PTPRD: variants seen among roughly 807,000 people sequenced by gnomAD.
PTPRD encodes the protein receptor-type tyrosine-protein phosphatase delta.
Under a neutral mutation model 214.5 loss-of-function variants are expected in PTPRD, and 34 were observed. The ratio of observed to expected loss-of-function variants is 0.16; its 90% CI spans 0.12 to 0.21. PTPRD has a LOEUF of 0.21. Among genes scored for constraint, PTPRD ranks in the 10% least tolerant of loss-of-function variants. The probability of loss-of-function intolerance (pLI) is 1.00; values close to 1 mark genes in which losing one functional copy is unlikely to be tolerated. For synonymous variants in PTPRD, 1,128 were observed against 845.7 expected, an observed-to-expected ratio of 1.33 and a Z score of -5.79; for missense variants, 2,545 against 2,398.7, an observed-to-expected ratio of 1.06 and a Z score of -1.27.
intron 5 of PTPRD, among the ~76,000 whole-genome samples, chr9:9,823,507 T>C (rs1166983483): frequency 6.6e-6 from 1 of 151,966 alleles, no homozygotes; most frequent in Non-Finnish European, 1.5e-5. Context: ...TAGGGACAAA[T>C]ATCCAAACTA....
rs183989920 is a variant in PTPRD, at chr9:8,879,224, C to T, written c.-104+139473G>A. ...ATCTGTTAGCTGAGAGATGGGTGAT[C>T]GAGACACTGATGGGAAATCTCCTTC... On this transcript the variant is annotated intron_variant, in intron 11 of 45. Transcript: ENST00000381196. 7.6e-4 allele frequency among the ~76,000 whole-genome samples: 116 copies of T among 152,188 alleles called. 2 individuals are homozygous for T. In the South Asian group the frequency reaches 0.022, roughly 29 times the overall value.
At chr9:8,653,318 A>C (rs937001801) in intron 12 of PTPRD, among the ~76,000 whole-genome samples, 1 of 152,180 alleles carries the variant, frequency 6.6e-6, no homozygotes, top group Admixed American at 6.5e-5. Flanking sequence ...GGAAAGACAA[A>C]AACAGTGTTT....
intron 8 of PTPRD, among the ~76,000 whole-genome samples, chr9:9,470,045 A>G (rs1224062855): frequency 6.6e-6 from 1 of 152,168 alleles, no homozygotes; most frequent in Admixed American, 6.5e-5. Flanking sequence ...GGTAGAGAAT[A>G]AAGAGGAGGC....
At chr9:8,557,700 G>A (rs1390656810) in intron 14 of PTPRD, among the ~76,000 whole-genome samples, 10 of 137,728 alleles carry the variant, frequency 7.3e-5, no homozygotes, top group East Asian at 2.2e-4. Context: ...CCGAGATCAC[G>A]CTACTGCATT....
At chr9:10,000,108 T>A (rs548061883) in intron 4 of PTPRD, among the ~76,000 whole-genome samples, 1 of 152,300 alleles carries the variant, frequency 6.6e-6, no homozygotes, top group Non-Finnish European at 1.5e-5. Flanking sequence ...AAAAATTGCC[T>A]AAGCCTAAAG....
At position 8,499,757 on chromosome 9, in the gene PTPRD, T is replaced by A; in HGVS notation, c.2212A>T (p.Asn738Tyr). 1 of 1,614,154 alleles carries A rather than the reference T, an allele frequency of 6.2e-7. No homozygotes were observed. The highest frequency in any genetic ancestry group is 1.3e-5 in the African/African-American group (1 of 75,046). The change falls in exon 25 of 46, where the codon AAT becomes TAT. Residue 738 changes from asparagine (N) to tyrosine (Y), a missense_variant. By Grantham distance (143) the Asn-to-Tyr change is moderately radical (BLOSUM62 -2). Transcript: ENST00000381196. ...VKVSWRSPVP[N>Y]KQHGQIRGYQ... ...CCTCTTATCTGGCCATGCTGTTTATTGGGCACGGGTGAGCGCCATGAGACT... is the reference window on the plus strand; with the variant it reads ...CCTCTTATCTGGCCATGCTGTTTATAGGGCACGGGTGAGCGCCATGAGACT...
chr9:8,432,693 C>A (rs1306838259), intron 35 of PTPRD, among the ~76,000 whole-genome samples: 4 of 152,190 alleles, frequency 2.6e-5, no homozygotes, highest in Admixed American at 2.0e-4. Context: ...TTTTTCCCCA[C>A]AAAATGTTGC....
At chr9:10,216,223 C>G (rs188922052) in intron 3 of PTPRD, among the ~76,000 whole-genome samples, 15 of 151,624 alleles carry the variant, frequency 9.9e-5, no homozygotes, top group Admixed American at 7.9e-4. Context: ...TTTGGCACCC[C>G]CTTAAGGTTT....
intron 3 of PTPRD, among the ~76,000 whole-genome samples, chr9:10,245,923 A>C (rs1007111853): frequency 3.9e-5 from 6 of 152,222 alleles, no homozygotes; most frequent in African/African-American, 1.4e-4. Context: ...ATTTTGACAC[A>C]TACTATAAGC....
rs1384063536 is a variant in PTPRD at position 8,504,380 on chromosome 9, G to A, written c.1703C>T (p.Thr568Ile). The part of the protein sequence containing the change: ...EEQRITIEPG[T>I]SYRLQGLKPN... ...TTTCAGTCCTTGCAGCCTATATGAT[G>A]TCCCTGGCTCAATGGTAATTCGTTG... Residue 568 changes from threonine to isoleucine, a missense_variant, in exon 23 of 46, where the codon ACA becomes ATA. Coordinates refer to ENST00000381196, the MANE Select transcript of PTPRD (RefSeq NM_002839.4). 6 of 1,613,974 alleles carry A rather than the reference G, an allele frequency of 3.7e-6. No individual in the cohort carries two copies. The Admixed American group carries it at 8.3e-5, about 22-fold the overall frequency.
At chr9:8,869,084 G>C (rs113488696) in intron 11 of PTPRD, among the ~76,000 whole-genome samples, 12 of 152,180 alleles carry the variant, frequency 7.9e-5, no homozygotes, top group African/African-American at 2.4e-4. Context: ...AACAAAAAAA[G>C]AAAGAATTGG....
chr9:9,252,372 C>G (rs887939207), intron 9 of PTPRD, among the ~76,000 whole-genome samples: 1 of 152,038 alleles, frequency 6.6e-6, no homozygotes, highest in African/African-American at 2.4e-5. Flanking sequence ...ATTTGCATAA[C>G]ACACCTTACC....
intron 14 of PTPRD, among the ~76,000 whole-genome samples, chr9:8,584,104 T>G (rs935363301): frequency 2.0e-5 from 3 of 152,282 alleles, no homozygotes; most frequent in Admixed American, 2.0e-4. Context: ...TAGTGAGCCA[T>G]GATTGTGCCA....
chr9:8,647,295 T>C (rs559865548), intron 12 of PTPRD, among the ~76,000 whole-genome samples: 18 of 152,256 alleles, frequency 1.2e-4, no homozygotes, highest in Non-Finnish European at 2.5e-4. Flanking sequence ...TACGTATTTA[T>C]TATAAATTAG....
chr9:10,328,539 C>A (rs531190891), intron 3 of PTPRD, among the ~76,000 whole-genome samples: 2 of 151,904 alleles, frequency 1.3e-5, no homozygotes, highest in South Asian at 4.1e-4. Flanking sequence ...CATGGAGAAA[C>A]AAAGTCACTT....
chr9:9,641,542 C>G (rs2095954131), intron 7 of PTPRD, among the ~76,000 whole-genome samples: 1 of 152,080 alleles, frequency 6.6e-6, no homozygotes, highest in African/African-American at 2.4e-5. Context: ...TGACACAGAC[C>G]TCCATAACAA....
intron 7 of PTPRD, among the ~76,000 whole-genome samples, chr9:9,635,164 C>T (rs115156798): frequency 0.014 from 2,125 of 152,216 alleles, 48 homozygotes; most frequent in African/African-American, 0.048. Flanking sequence ...GCCTATAAAG[C>T]TTCTTTTTCT....
intron 21 of PTPRD, among the ~76,000 whole-genome samples, chr9:8,515,691 C>G (rs567430190): frequency 6.6e-6 from 1 of 152,122 alleles, no homozygotes; most frequent in African/African-American, 2.4e-5. Flanking sequence ...AGATTGCCAG[C>G]AAACCAACCA....
In PTPRD at chr9:9,658,820, T is replaced by C. The variant is rs551925626; in HGVS notation, c.-287+75713A>G. On this transcript the variant is annotated intron_variant, in intron 7 of 45. Transcript: ENST00000381196. Reference sequence around the variant, plus strand: ...GCTTTATAAGCATTATCTTATTTAATTGTCACAACAATTCTTGGTGCTTGT... The same window carrying C: ...GCTTTATAAGCATTATCTTATTTAACTGTCACAACAATTCTTGGTGCTTGT... Among the ~76,000 whole-genome samples, 21 of 152,266 alleles carry C rather than the reference T, an allele frequency of 1.4e-4. No homozygotes were observed. In the South Asian group the frequency reaches 4.1e-3, roughly 30 times the overall value.
Sources: allele counts gnomAD v4.1 joint callset (sites outside exome capture counted in the v4.1 genomes callset), GRCh38; gene constraint gnomAD v4.1.1; transcripts MANE v1.5; gene names NCBI Gene and HGNC (gene_info 2026-07-23, HGNC 2026-07-21).